Variants in CFAP73 observed in about 807,000 individuals in gnomAD.
The protein encoded by CFAP73 is cilia- and flagella-associated protein 73.
In CFAP73, 33 loss-of-function variants were observed where a neutral mutation model predicts 42.9. The ratio of observed to expected loss-of-function variants is 0.77; its 90% CI spans 0.58 to 1.03. CFAP73 has a LOEUF of 1.03. CFAP73 is among the 50% of genes least tolerant of loss of function. CFAP73 has a pLI of 0.00. For missense variants in CFAP73, 392 were observed against 411.9 expected (o/e 0.95, Z 0.42); for synonymous variants, 162 against 186.8 (o/e 0.87, Z 1.08).
intron 6 of CFAP73, among the ~76,000 whole-genome samples, chr12:113,155,843 G>C (rs1225332398): frequency 6.6e-6 from 1 of 151,950 alleles, no homozygotes; most frequent in Non-Finnish European, 1.5e-5. Context: ...CTGTCTCCCT[G>C]CTTCCTGCAC....
chr12:113,157,499 C>A, intron 6 of CFAP73, 103 bp from the exon 7 acceptor site: 1 of 855,944 alleles, frequency 1.2e-6, no homozygotes, highest in Non-Finnish European at 1.9e-6. Flanking sequence ...ATGAGGGGAT[C>A]TCCAGTCCCC....
At chr12:113,157,726 G>C (rs769850772) in intron 7 of CFAP73, 36 bp downstream of exon 7, 2 of 1,437,824 alleles carry the variant, frequency 1.4e-6, no homozygotes, top group African/African-American at 2.8e-5. Context: ...GAGAGACCCT[G>C]AGATAGGAGG....
intron 3 of CFAP73, 112 bp downstream of exon 3, chr12:113,152,999 A>C: frequency 4.6e-6 from 4 of 861,398 alleles, no homozygotes; most frequent in Non-Finnish European, 7.1e-6. Flanking sequence ...ATGCAAAAGG[A>C]AACGGCGGGA....
At chr12:113,153,025 C>A (rs1472515865) in intron 3 of CFAP73, 138 bp downstream of exon 3, 2 of 809,980 alleles carry the variant, frequency 2.5e-6, no homozygotes, top group South Asian at 1.9e-5. Flanking sequence ...ACACGCACTG[C>A]CTGAAGCAAC....
chr12:113,153,344 G>A lies in CFAP73; in HGVS notation c.404G>A (p.Arg135His). ...ELRREHARLQ[R>H]RLKRLEPCAR... ...CGGCGGGAACACGCGCGGCTGCAGCGCCGGCTTAAGCGCCTGGAGCCCTGC... is the reference window on the plus strand; with the variant it reads ...CGGCGGGAACACGCGCGGCTGCAGCACCGGCTTAAGCGCCTGGAGCCCTGC... Residue 135 changes from arginine to histidine, a missense_variant, in exon 4 of 8, where the codon CGC becomes CAC. By Grantham distance (29) the Arg-to-His change is conservative. Coordinates refer to ENST00000335621, the MANE Select transcript of CFAP73 (RefSeq NM_001144872.3). 2.0e-6 allele frequency: 3 copies of A among 1,508,972 alleles called. No homozygotes were observed. The highest frequency in any genetic ancestry group is 2.6e-6 in the Non-Finnish European group (3 of 1,134,322). 93.5% of individuals were successfully genotyped at this position (1,508,972 alleles called of 1,614,324 possible).
chr12:113,154,536 G>C lies in CFAP73; in HGVS notation c.591G>C (p.Gln197His). The C allele has an allele frequency of 6.7e-7, 1 of 1,490,350 alleles. No homozygotes were observed. Among genetic ancestry groups the C allele is most frequent in the Middle Eastern group, 2.3e-4 (1 of 4,360 alleles). 92.3% of individuals were successfully genotyped at this position (1,490,350 alleles called of 1,614,324 possible). The change falls in exon 5 of 8, where the codon CAG (glutamine) becomes CAC (histidine). Residue 197 changes from glutamine (Q) to histidine (H), a missense_variant. Physicochemically the swap from Gln to His is conservative, Grantham distance 24 (BLOSUM62 0). Coordinates refer to ENST00000335621, the MANE Select transcript of CFAP73 (RefSeq NM_001144872.3). This position sits in a 1 kb window ranked among gnomAD's most constrained non-coding sequence, Gnocchi z 4.7. Reference protein sequence around the residue: ...ELEAARARLQQLRDAWPDEVL... With the variant: ...ELEAARARLQHLRDAWPDEVL... ...AGGCGGCGCGAGCGCGGCTGCAGCA[G>C]CTGCGGGACGCCTGGCCGGACGAGG...
rs949874519 is a variant in CFAP73 at position 113,152,867 on chromosome 12, C to G, written c.247C>G (p.Arg83Gly). 4 of 1,551,434 alleles carry G rather than the reference C, an allele frequency of 2.6e-6. No individual in the cohort carries two copies. Among genetic ancestry groups the G allele is most frequent in the Non-Finnish European group, 3.5e-6 (4 of 1,146,878 alleles). The change falls in exon 3 of 8, where the codon CGC becomes GGC. Residue 83 changes from arginine (R) to glycine (G), a missense_variant. Physicochemically the swap from Arg to Gly is moderately radical, Grantham distance 125 (BLOSUM62 -2). Coordinates refer to ENST00000335621, the MANE Select transcript of CFAP73 (RefSeq NM_001144872.3). ...GCGGGAGCTAAAGGGATCGTTCATC[C>G]GCTTTGACAAGTTTTTGCAGGTAGG... The part of the protein sequence containing the change: ...KERELKGSFI[R>G]FDKFLQDSEA...
chr12:113,150,058 G>A, intron 1 of CFAP73, 145 bp downstream of exon 1: 1 of 742,312 alleles, frequency 1.3e-6, no homozygotes. Flanking sequence ...GGAGGAAACT[G>A]AGGATCAGAG....
At position 113,149,847 on chromosome 12, in the gene CFAP73, C is replaced by T. The variant is rs750750004; in HGVS notation, c.-11C>T. On this transcript the variant is annotated 5_prime_UTR_variant, in exon 1 of 8. Transcript: ENST00000335621. The stretch of plus-strand genomic sequence containing the variant: ...GCTGGTGGAAAGAAAGCTGGGGCAA[C>T]TGCCAGAAGGATGGCGGTGCCCTGG... The T allele has an allele frequency of 1.4e-5, 22 of 1,551,524 alleles. No homozygotes were observed. The highest frequency in any genetic ancestry group is 2.4e-5 in the South Asian group (2 of 84,058).
In CFAP73 at chr12:113,157,520, T is replaced by C. The variant is rs962901492; in HGVS notation, c.850-82T>C. On this transcript the variant is annotated intron_variant, in intron 6 of 7. Coordinates refer to ENST00000335621, the MANE Select transcript of CFAP73 (RefSeq NM_001144872.3). ...GGATCTCCAGTCCCCGCCCTACCTT[T>C]CGGCCTCCCCCGCGTGTTGAGGGGT... is the stretch of plus-strand genomic sequence containing the variant. The C allele has an allele frequency of 3.5e-6, 4 of 1,148,760 alleles. No individual in the cohort carries two copies. The African/African-American group carries it at 6.1e-5, about 18-fold the overall frequency. 71.2% of individuals were successfully genotyped at this position (1,148,760 alleles called of 1,614,324 possible).
chr12:113,153,056 G>A, intron 3 of CFAP73, 152 bp from the exon 4 acceptor site: 1 of 895,012 alleles, frequency 1.1e-6, no homozygotes, highest in Non-Finnish European at 1.6e-6. Flanking sequence ...AAAAAAAAGC[G>A]GGCGGGGGAG....
At position 113,158,017 on chromosome 12, in the gene CFAP73, T is replaced by C. The variant is rs764148834; in HGVS notation, c.*11+327T>C. 108 of 309,236 alleles carry C rather than the reference T, an allele frequency of 3.5e-4. No homozygotes were observed. The highest frequency in any genetic ancestry group is 2.0e-3 in the Middle Eastern group (2 of 994). The allele number at this position is 309,236 out of a possible 1,614,324, so 19.2% of individuals were successfully genotyped here. A position where few individuals can be genotyped will look rare whatever the true frequency, so the allele number is the denominator to read the frequency against. On this transcript the variant is annotated intron_variant, in intron 7 of 7. Transcript: ENST00000335621. This position sits in a 1 kb window ranked among gnomAD's most constrained non-coding sequence, Gnocchi z 4.9. ...TTGTCAGGTCTCAGAACAGGGTCCATGCTAGATGAGAGATCACCAAGGCCC... is the reference window on the plus strand; with the variant it reads ...TTGTCAGGTCTCAGAACAGGGTCCACGCTAGATGAGAGATCACCAAGGCCC...
At chr12:113,157,754 G>A (rs766395424) in intron 7 of CFAP73, 64 bp downstream of exon 7, 2 of 1,193,866 alleles carry the variant, frequency 1.7e-6, no homozygotes, top group Non-Finnish European at 2.4e-6. Flanking sequence ...TTTCCAATGG[G>A]GTGTGGACTG....
In CFAP73 at chr12:113,158,236, C is replaced by T. The variant is rs7978390; in HGVS notation, c.*12-465C>T. ...CAGAGGGGAGCAGCTGTGTCCTTGC[C>T]CCCTGGGCTGGGCATCCTGTTCCCC... On this transcript the variant is annotated intron_variant, in intron 7 of 7. Transcript: ENST00000335621. The surrounding 1 kb of genome is among the most constrained non-coding windows in gnomAD (Gnocchi z 4.9). 5,801 of 154,090 alleles carry T rather than the reference C, an allele frequency of 0.038. 289 individuals carry two copies. The highest frequency in any genetic ancestry group is 0.2 in the East Asian group (1,061 of 5,210). 9.5% of individuals were successfully genotyped at this position (154,090 alleles called of 1,614,324 possible).
At chr12:113,153,865 G>A (rs928586801) in intron 4 of CFAP73, among the ~76,000 whole-genome samples, 1 of 152,122 alleles carries the variant, frequency 6.6e-6, no homozygotes, top group Non-Finnish European at 1.5e-5. Context: ...CTCCCAAAGT[G>A]CTGGGATTAC....
chr12:113,158,785 A>C lies in CFAP73; in HGVS notation c.*96A>C. On this transcript the variant is annotated 3_prime_UTR_variant, in exon 8 of 8. Coordinates refer to ENST00000335621, the MANE Select transcript of CFAP73 (RefSeq NM_001144872.3). This position sits in a 1 kb window ranked among gnomAD's most constrained non-coding sequence, Gnocchi z 4.9. Reference sequence around the variant, plus strand: ...CCTGCAGGGAGTGCCCCCAGTGCCCAGCACAGGGCCAGGCACACAGTGGTG... The same window carrying C: ...CCTGCAGGGAGTGCCCCCAGTGCCCCGCACAGGGCCAGGCACACAGTGGTG... The C allele has an allele frequency of 1.5e-6, 2 of 1,367,570 alleles. No homozygotes were observed. The highest frequency in any genetic ancestry group is 3.0e-5 in the South Asian group (2 of 66,798). 84.7% of individuals were successfully genotyped at this position (1,367,570 alleles called of 1,614,324 possible). A position where few individuals can be genotyped will look rare whatever the true frequency, so the allele number is the denominator to read the frequency against.
At position 113,158,933 on chromosome 12, in the gene CFAP73, C is replaced by T. The variant is rs143051939; in HGVS notation, c.*244C>T. On this transcript the variant is annotated 3_prime_UTR_variant, in exon 8 of 8. Transcript: ENST00000335621. The surrounding 1 kb of genome is among the most constrained non-coding windows in gnomAD (Gnocchi z 4.9). ...GAGCGGGCACCCCGGCCGAAGGCGCCCTGCTGCAGCTCCTGGACGCGGCGG... is the reference window on the plus strand; with the variant it reads ...GAGCGGGCACCCCGGCCGAAGGCGCTCTGCTGCAGCTCCTGGACGCGGCGG... 1 of 1,609,774 alleles carries T rather than the reference C, an allele frequency of 6.2e-7. No individual in the cohort carries two copies. Among genetic ancestry groups the T allele is most frequent in the African/African-American group, 1.3e-5 (1 of 74,864 alleles).
intron 6 of CFAP73, chr12:113,157,390 C>T (rs988979254): frequency 3.4e-6 from 2 of 586,008 alleles, no homozygotes; most frequent in South Asian, 2.1e-5. Flanking sequence ...TGTCTGCTCA[C>T]GCAGCAGTTG....
Position 113,158,803 on chromosome 12 carries a change from C to T in CFAP73, c.*114C>T. Reference sequence around the variant, plus strand: ...AGTGCCCAGCACAGGGCCAGGCACACAGTGGTGCACGGGAACGTCTGCTGA... The same window carrying T: ...AGTGCCCAGCACAGGGCCAGGCACATAGTGGTGCACGGGAACGTCTGCTGA... On this transcript the variant is annotated 3_prime_UTR_variant, in exon 8 of 8. Transcript: ENST00000335621. The surrounding 1 kb of genome is among the most constrained non-coding windows in gnomAD (Gnocchi z 4.9). 6.8e-7 allele frequency: 1 copy of T among 1,466,028 alleles called. No individual in the cohort carries two copies. The highest frequency in any genetic ancestry group is 2.3e-5 in the East Asian group (1 of 42,776). 90.8% of individuals were successfully genotyped at this position (1,466,028 alleles called of 1,614,324 possible).
Sources: allele counts gnomAD v4.1 joint callset (sites outside exome capture counted in the v4.1 genomes callset), GRCh38; gene constraint gnomAD v4.1.1; non-coding constraint Gnocchi (gnomAD v3.1); transcripts MANE v1.5; gene names NCBI Gene and HGNC (gene_info 2026-07-23, HGNC 2026-07-21).